The following RECK variants were observed in gnomAD, a reference collection of about 807,000 sequenced individuals.
RECK encodes reversion inducing cysteine rich protein with kazal motifs, also known as reversion-inducing cysteine-rich protein with Kazal motifs.
A neutral mutation model predicts 115.1 loss-of-function variants in RECK; 69 were observed. The observed-to-expected ratio is 0.60, with a 90% CI of 0.49 to 0.73. RECK has a LOEUF of 0.73. Ranked by LOEUF, RECK falls within the 30% of genes least tolerant of loss-of-function variation. The probability of loss-of-function intolerance (pLI) is 0.00; values close to 1 mark genes in which losing one functional copy is unlikely to be tolerated. For missense variants in RECK, 1,047 were observed against 1,203.7 expected (o/e 0.87, Z 1.93); for synonymous variants, 414 against 419.7 (o/e 0.99, Z 0.17).
chr9:36,122,911 G>A lies in RECK; in HGVS notation c.2782G>A (p.Ala928Thr), dbSNP rs764904680. 1 of 1,614,142 alleles carries A rather than the reference G, an allele frequency of 6.2e-7. No individual in the cohort carries two copies. Among genetic ancestry groups the A allele is most frequent in the South Asian group, 1.1e-5 (1 of 91,076 alleles). ...TTTGGCGTCCCATGTCCCTCTCTCT[G>A]CCCTCATCATTTCCCAGGTACAGGT... Reference protein sequence around the residue: ...PTLASHVPLSALIISQVQVSS... With the variant: ...PTLASHVPLSTLIISQVQVSS... Residue 928 changes from alanine to threonine, a missense_variant, in exon 21 of 21, where the codon GCC (alanine) becomes ACC (threonine). Ala to Thr is a moderately conservative substitution (Grantham distance 58). Transcript: ENST00000377966.
intron 13 of RECK, 81 bp downstream of exon 13, chr9:36,105,364 A>G (rs541679661): frequency 1.4e-6 from 2 of 1,399,220 alleles, no homozygotes; most frequent in East Asian, 2.3e-5. Flanking sequence ...CTTTTTTTCA[A>G]TCCTGCTCCT....
rs530233575 is a variant in RECK at position 36,120,537 on chromosome 9, G to T, written c.2465-126G>T. ...GGTTGGTCAAGGAGCTTATATGAAG[G>T]TACAGTCTTTGGGAAGGACACTGTA... is the stretch of plus-strand genomic sequence containing the variant. On this transcript the variant is annotated intron_variant, in intron 18 of 20. Coordinates refer to ENST00000377966, the MANE Select transcript of RECK (RefSeq NM_021111.3). 27 of 705,634 alleles carry T rather than the reference G, an allele frequency of 3.8e-5. 1 individual carries two copies. The highest frequency in any genetic ancestry group is 3.2e-4 in the African/African-American group (18 of 55,704). 43.7% of individuals were successfully genotyped at this position (705,634 alleles called of 1,614,324 possible).
chr9:36,103,339 A>T (rs938308117), intron 12 of RECK, among the ~76,000 whole-genome samples: 1 of 152,272 alleles, frequency 6.6e-6, no homozygotes, highest in Non-Finnish European at 1.5e-5. Flanking sequence ...GGGCTTCATC[A>T]TCAGGAATCC....
At position 36,091,291 on chromosome 9, in the gene RECK, C is replaced by A; in HGVS notation, c.1033C>A (p.Pro345Thr). 6.2e-7 allele frequency: 1 copy of A among 1,605,826 alleles called. No individual in the cohort carries two copies. Among genetic ancestry groups the A allele is most frequent in the Non-Finnish European group, 8.5e-7 (1 of 1,177,014 alleles). ...MLTCLADVRE[P>T]CQLGCRNLTY... ...GACCTGTTTAGCGGATGTCCGGGAACCTTGCCAGTTGGGCTGTAGAAACCT... is the reference window on the plus strand; with the variant it reads ...GACCTGTTTAGCGGATGTCCGGGAAACTTGCCAGTTGGGCTGTAGAAACCT... Residue 345 changes from proline (P) to threonine (T), a missense_variant, in exon 10 of 21, where the codon CCT becomes ACT. By Grantham distance (38) the Pro-to-Thr change is conservative. Transcript: ENST00000377966.
intron 1 of RECK, among the ~76,000 whole-genome samples, chr9:36,043,360 T>C (rs1002799468): frequency 6.6e-6 from 1 of 151,976 alleles, no homozygotes; most frequent in Non-Finnish European, 1.5e-5. Context: ...CACTTTTTAA[T>C]GGACTGTTTG....
intron 1 of RECK, among the ~76,000 whole-genome samples, chr9:36,045,756 A>T (rs1426871016): frequency 6.6e-6 from 1 of 152,046 alleles, no homozygotes; most frequent in African/African-American, 2.4e-5. Flanking sequence ...TTGTTTTTTT[A>T]AAGCTAGTTG....
intron 6 of RECK, among the ~76,000 whole-genome samples, chr9:36,070,278 A>C (rs1426297877): frequency 6.6e-6 from 1 of 152,202 alleles, no homozygotes; most frequent in Non-Finnish European, 1.5e-5. Context: ...AAATTGAAGC[A>C]TATGATGTGT....
At chr9:36,047,684 C>G (rs1821118150) in intron 1 of RECK, among the ~76,000 whole-genome samples, 1 of 151,986 alleles carries the variant, frequency 6.6e-6, no homozygotes, top group African/African-American at 2.4e-5. Context: ...TTACTACAAT[C>G]AAGGCACCTT....
intron 4 of RECK, among the ~76,000 whole-genome samples, chr9:36,062,481 TG>T (rs1481146164): frequency 1.3e-5 from 2 of 150,670 alleles, no homozygotes; most frequent in Admixed American, 1.3e-4. Flanking sequence ...GTTGTTGTTT[TG>T]GTTTTTTGTT....
In RECK at chr9:36,102,099, A is replaced by T; in HGVS notation, c.1304A>T (p.Asp435Val). The part of the protein sequence containing the change: ...KSRGSIICKS[D>V]CVEILKKCGD... Reference sequence around the variant, plus strand: ...ACGTGCATTTTTTTTTCAAGATCAGATTGTGTGGAGATTCTTAAAAAATGT... The same window carrying T: ...ACGTGCATTTTTTTTTCAAGATCAGTTTGTGTGGAGATTCTTAAAAAATGT... The change falls in exon 12 of 21, where the codon GAT becomes GTT. Residue 435 changes from aspartate to valine, a missense_variant. Asp to Val is a radical substitution (Grantham distance 152). Transcript: ENST00000377966. 1 of 1,611,868 alleles carries T rather than the reference A, an allele frequency of 6.2e-7. No homozygotes were observed. Among genetic ancestry groups the T allele is most frequent in the Non-Finnish European group, 8.5e-7 (1 of 1,179,342 alleles).
At chr9:36,112,907 A>G (rs1241441295) in intron 16 of RECK, among the ~76,000 whole-genome samples, 1 of 152,234 alleles carries the variant, frequency 6.6e-6, no homozygotes, top group African/African-American at 2.4e-5. Context: ...TGAAACAGAA[A>G]AGGTAACATA....
Position 36,123,494 on chromosome 9 carries a change from T to C in RECK, c.*449T>C, listed in dbSNP as rs1223544249. On this transcript the variant is annotated 3_prime_UTR_variant, in exon 21 of 21. Coordinates refer to ENST00000377966, the MANE Select transcript of RECK (RefSeq NM_021111.3). ...ATAATTACCTACTCTGGCTAGAAGC[T>C]AGGGGTCCCAGTGAAGAGCCACTGC... The C allele has an allele frequency of 6.5e-6, 1 of 153,554 alleles. No individual in the cohort carries two copies. Among genetic ancestry groups the C allele is most frequent in the East Asian group, 1.9e-4 (1 of 5,228 alleles). 9.5% of individuals were successfully genotyped at this position (153,554 alleles called of 1,614,324 possible).
At chr9:36,095,050 TGGTAATTAAA>T (rs1206144030) in intron 10 of RECK, among the ~76,000 whole-genome samples, 6 of 152,198 alleles carry the variant, frequency 3.9e-5, no homozygotes, top group African/African-American at 1.4e-4. Context: ...CCCAAATATT[TGGTAATTAAA>T]CAAACGCTTC....
chr9:36,108,850 A>G (rs900007141), intron 14 of RECK, among the ~76,000 whole-genome samples: 1 of 152,066 alleles, frequency 6.6e-6, no homozygotes, highest in Non-Finnish European at 1.5e-5. Context: ...TCAATATATG[A>G]TTTCAAACAA....
chr9:36,060,186 T>C, intron 4 of RECK, 31 bp downstream of exon 4: 1 of 1,602,948 alleles, frequency 6.2e-7, no homozygotes, highest in South Asian at 1.1e-5. Context: ...ATTTAGCACT[T>C]AATTTTAAAA....
At chr9:36,041,959 G>T (rs1427942264) in intron 1 of RECK, among the ~76,000 whole-genome samples, 4 of 151,958 alleles carry the variant, frequency 2.6e-5, no homozygotes, top group Non-Finnish European at 5.9e-5. Context: ...AATTATAGGT[G>T]AGTTACCATA....
At chr9:36,049,076 G>A (rs1386080551) in intron 1 of RECK, among the ~76,000 whole-genome samples, 1 of 152,100 alleles carries the variant, frequency 6.6e-6, no homozygotes, top group African/African-American at 2.4e-5. Context: ...AATTCAGGAG[G>A]ACCAGTCAAA....
intron 1 of RECK, among the ~76,000 whole-genome samples, chr9:36,039,712 T>C (rs1820803259): frequency 6.6e-6 from 1 of 152,188 alleles, no homozygotes; most frequent in African/African-American, 2.4e-5. Context: ...CAGGTTTCAG[T>C]AAGTTGACAT....
chr9:36,086,625 G>A (rs1021874175), intron 8 of RECK, among the ~76,000 whole-genome samples: 45 of 152,058 alleles, frequency 3.0e-4, no homozygotes, highest in African/African-American at 1.0e-3. Context: ...ATTTGGCCCC[G>A]CCCACATCTG....
Sources: allele counts gnomAD v4.1 joint callset (sites outside exome capture counted in the v4.1 genomes callset), GRCh38; gene constraint gnomAD v4.1.1; transcripts MANE v1.5; gene names NCBI Gene and HGNC (gene_info 2026-07-23, HGNC 2026-07-21).